CD58: variants seen among roughly 807,000 people sequenced by gnomAD.
CD58 encodes the protein lymphocyte function-associated antigen 3.
CD58 carries 14 observed loss-of-function variants against 27.6 expected under a neutral mutation model. The observed-to-expected ratio is 0.51, with a 90% CI of 0.34 to 0.79. The LOEUF (loss-of-function observed/expected upper bound fraction) is 0.79, where lower values mean the gene tolerates loss of function less well. CD58 is among the 30% of genes least tolerant of loss of function. CD58 has a pLI of 0.02. For missense variants in CD58, 268 were observed against 301.7 expected (o/e 0.89, Z 0.83); for synonymous variants, 117 against 103.8 (o/e 1.13, Z -0.77).
chr1:116,548,276 T>C (rs1658263571), intron 1 of CD58, among the ~76,000 whole-genome samples: 1 of 152,260 alleles, frequency 6.6e-6, no homozygotes, highest in Non-Finnish European at 1.5e-5. Flanking sequence ...GCTGATTGTT[T>C]ATATTGCTGT....
At position 116,528,321 on chromosome 1, in the gene CD58, T is replaced by C. The variant is rs1253281659; in HGVS notation, c.629-6338A>G. 6.6e-6 allele frequency among the ~76,000 whole-genome samples: 1 copy of C among 152,230 alleles called. No homozygotes were observed. The highest frequency in any genetic ancestry group is 1.5e-5 in the Non-Finnish European group (1 of 68,046). ...TCCTATTTCCGCATATTTTTGTGTT[T>C]CTATGATGAATTTTTCCAATTTCTC... On this transcript the variant is annotated intron_variant, in intron 3 of 5. Transcript: ENST00000369489. The surrounding 1 kb of genome is among the most constrained non-coding windows in gnomAD (Gnocchi z 4.4).
rs932906406 is a variant in CD58 at position 116,534,953 on chromosome 1, G to A, written c.628+1012C>T. ...GAGACTCATATTCTCTATTTGCCCT[G>A]GAATCCTGTTCACTATTTACAATTA... On this transcript the variant is annotated intron_variant, in intron 3 of 5. Transcript: ENST00000369489. The surrounding 1 kb of genome is among the most constrained non-coding windows in gnomAD (Gnocchi z 5.3). Among the ~76,000 whole-genome samples the A allele has an allele frequency of 6.6e-6, 1 of 151,938 alleles. No homozygotes were observed. Among genetic ancestry groups the A allele is most frequent in the African/African-American group, 2.4e-5 (1 of 41,338 alleles).
At chr1:116,568,566 C>T (rs1222425686) in intron 1 of CD58, among the ~76,000 whole-genome samples, 1 of 152,208 alleles carries the variant, frequency 6.6e-6, no homozygotes, top group Non-Finnish European at 1.5e-5. Context: ...TACTTACTGT[C>T]TCTCTCCCTC....
At position 116,544,576 on chromosome 1, in the gene CD58, T is replaced by A; in HGVS notation, c.99A>T (p.Ile33=). ...TTACATTCCCATACACAACACCATA[T>A]ATTTGTTGGGAAAAACAGCTGATGA... ...FGFISCFSQQ[I]YGVVYGNVTF... is the part of the protein sequence containing the mutation. Residue 33 remains isoleucine (I), a synonymous_variant, in exon 2 of 6, where the codon ATA becomes ATT. Transcript: ENST00000369489. 1 of 1,589,372 alleles carries A rather than the reference T, an allele frequency of 6.3e-7. No homozygotes were observed. Among genetic ancestry groups the A allele is most frequent in the Non-Finnish European group, 8.6e-7 (1 of 1,168,686 alleles).
At position 116,519,932 on chromosome 1, in the gene CD58, A is replaced by T. The variant is rs1657215326; in HGVS notation, c.707-665T>A. On this transcript the variant is annotated intron_variant, in intron 4 of 5. Coordinates refer to ENST00000369489, the MANE Select transcript of CD58 (RefSeq NM_001779.3). The surrounding 1 kb of genome is among the most constrained non-coding windows in gnomAD (Gnocchi z 4.7). ...CAGTAGGCATCCGCCTGACCCTAGA[A>T]CTATGCTAGTGGTTCAGAAGCTTAG... 6.6e-6 allele frequency among the ~76,000 whole-genome samples: 1 copy of T among 152,184 alleles called. No homozygotes were observed. The highest frequency in any genetic ancestry group is 2.4e-5 in the African/African-American group (1 of 41,428).
At position 116,521,217 on chromosome 1, in the gene CD58, GT is replaced by G. The variant is rs1376732998; in HGVS notation, c.706+688del. Among the ~76,000 whole-genome samples, 1 of 152,172 alleles carries G rather than the reference GT, an allele frequency of 6.6e-6. No homozygotes were observed. Among genetic ancestry groups the G allele is most frequent in the Non-Finnish European group, 1.5e-5 (1 of 68,034 alleles). On this transcript the variant is annotated intron_variant, in intron 4 of 5. Coordinates refer to ENST00000369489, the MANE Select transcript of CD58 (RefSeq NM_001779.3). This position sits in a 1 kb window ranked among gnomAD's most constrained non-coding sequence, Gnocchi z 5.6. ...TCCTAGATACTATCACTTGTAGAAA[GT>G]TTACTCTTCGGCATTCCCTGTCTGG...
intron 4 of CD58, among the ~76,000 whole-genome samples, chr1:116,520,498 A>G (rs1404259140): frequency 6.7e-6 from 1 of 149,270 alleles, no homozygotes; most frequent in Non-Finnish European, 1.5e-5. Context: ...TTTTCTGTAT[A>G]TTGAATGACT....
chr1:116,541,813 C>T lies in CD58; in HGVS notation c.364+2498G>A, dbSNP rs1422880518. On this transcript the variant is annotated intron_variant, in intron 2 of 5. Coordinates refer to ENST00000369489, the MANE Select transcript of CD58 (RefSeq NM_001779.3). The surrounding 1 kb of genome is among the most constrained non-coding windows in gnomAD (Gnocchi z 5.3). Reference sequence around the variant, plus strand: ...GAGCTCTAGATCTGTACATTATTAGCATTGAGATGATATTTAAAGCCCTGA... The same window carrying T: ...GAGCTCTAGATCTGTACATTATTAGTATTGAGATGATATTTAAAGCCCTGA... 2.0e-5 allele frequency among the ~76,000 whole-genome samples: 3 copies of T among 152,126 alleles called. No individual in the cohort carries two copies. Among genetic ancestry groups the T allele is most frequent in the Non-Finnish European group, 1.5e-5 (1 of 68,032 alleles).
At chr1:116,553,106 G>A (rs1315181139) in intron 1 of CD58, among the ~76,000 whole-genome samples, 3 of 150,870 alleles carry the variant, frequency 2.0e-5, no homozygotes, top group Admixed American at 6.6e-5. Flanking sequence ...TTGTTGATTT[G>A]GATTTCTTTT....
At chr1:116,551,328 A>G (rs1472970680) in intron 1 of CD58, among the ~76,000 whole-genome samples, 1 of 152,242 alleles carries the variant, frequency 6.6e-6, no homozygotes, top group African/African-American at 2.4e-5. Flanking sequence ...GATCTTCTGG[A>G]TAATTTCTTG....
intron 1 of CD58, among the ~76,000 whole-genome samples, chr1:116,545,250 G>A (rs1417155394): frequency 6.6e-6 from 1 of 152,186 alleles, no homozygotes; most frequent in African/African-American, 2.4e-5. Flanking sequence ...AACGCTAAGG[G>A]TTTGGACTGA....
In CD58 at chr1:116,552,939, C is replaced by T. The variant is rs1571083468; in HGVS notation, c.71-8335G>A. 6.6e-6 allele frequency among the ~76,000 whole-genome samples: 1 copy of T among 152,274 alleles called. No individual in the cohort carries two copies. Among genetic ancestry groups the T allele is most frequent in the Non-Finnish European group, 1.5e-5 (1 of 68,024 alleles). On this transcript the variant is annotated intron_variant, in intron 1 of 5. Transcript: ENST00000369489. This position sits in a 1 kb window ranked among gnomAD's most constrained non-coding sequence, Gnocchi z 4.5. ...TTACAAAAAAGACTTTGGCAATTTA[C>T]ATCTCCATCAGTAATGCCTGAGTTG... is the stretch of plus-strand genomic sequence containing the variant.
intron 1 of CD58, among the ~76,000 whole-genome samples, chr1:116,549,447 G>C (rs948908198): frequency 1.3e-5 from 2 of 152,160 alleles, no homozygotes; most frequent in African/African-American, 4.8e-5. Context: ...GAGAAAAGTA[G>C]CATAAGCCGA....
Position 116,536,369 on chromosome 1 carries a change from T to C in CD58, c.365-141A>G. 1.6e-6 allele frequency: 1 copy of C among 614,166 alleles called. No homozygotes were observed. Among genetic ancestry groups the C allele is most frequent in the Non-Finnish European group, 2.8e-6 (1 of 357,842 alleles). The allele number at this position is 614,166 out of a possible 1,614,324, so 38.0% of individuals were successfully genotyped here. A position where few individuals can be genotyped will look rare whatever the true frequency, so the allele number is the denominator to read the frequency against. On this transcript the variant is annotated intron_variant, in intron 2 of 5. Coordinates refer to ENST00000369489, the MANE Select transcript of CD58 (RefSeq NM_001779.3). This position sits in a 1 kb window ranked among gnomAD's most constrained non-coding sequence, Gnocchi z 5.4. ...CTCCTTGAGCATCAAGGAGCGAGAA[T>C]TCTTTCTTTTGCTAGGTCAGATCTA...
In CD58 at chr1:116,522,743, GA is replaced by G. The variant is rs1160566491; in HGVS notation, c.629-761del. ...AATAAAAGAAGCAAGTGTTCCACTA[GA>G]AGGTTTGTTTCTGACCATCTCATAC... is the stretch of plus-strand genomic sequence containing the variant. On this transcript the variant is annotated intron_variant, in intron 3 of 5. Transcript: ENST00000369489. The surrounding 1 kb of genome is among the most constrained non-coding windows in gnomAD (Gnocchi z 4.6). Among the ~76,000 whole-genome samples the G allele has an allele frequency of 6.6e-6, 1 of 152,202 alleles. No homozygotes were observed. The highest frequency in any genetic ancestry group is 1.9e-4 in the East Asian group (1 of 5,200).
At position 116,552,480 on chromosome 1, in the gene CD58, G is replaced by A. The variant is rs967128723; in HGVS notation, c.71-7876C>T. Among the ~76,000 whole-genome samples the A allele has an allele frequency of 4.6e-5, 7 of 152,176 alleles. No individual in the cohort carries two copies. Among genetic ancestry groups the A allele is most frequent in the Admixed American group, 6.5e-5 (1 of 15,280 alleles). ...GACTTGCTTAAAGCTGGGTTGTCAC[G>A]AACCTTCAATTTGTAAAAAGCACAT... is the stretch of plus-strand genomic sequence containing the variant. On this transcript the variant is annotated intron_variant, in intron 1 of 5. Coordinates refer to ENST00000369489, the MANE Select transcript of CD58 (RefSeq NM_001779.3). The surrounding 1 kb of genome is among the most constrained non-coding windows in gnomAD (Gnocchi z 4.5).
rs1657357672 is a variant in CD58 at position 116,524,245 on chromosome 1, A to G, written c.629-2262T>C. 6.6e-6 allele frequency among the ~76,000 whole-genome samples: 1 copy of G among 152,196 alleles called. No individual in the cohort carries two copies. The highest frequency in any genetic ancestry group is 2.1e-4 in the South Asian group (1 of 4,830). On this transcript the variant is annotated intron_variant, in intron 3 of 5. Transcript: ENST00000369489. The surrounding 1 kb of genome is among the most constrained non-coding windows in gnomAD (Gnocchi z 4.6). ...ACCATAATCTGGGTGAAGGTGGCCA[A>G]TCATCCTGGTTTTCCTGAAACTGAA...
At chr1:116,518,547 ACT>A (rs1187260054) in intron 5 of CD58, among the ~76,000 whole-genome samples, 2 of 151,120 alleles carry the variant, frequency 1.3e-5, no homozygotes, top group Admixed American at 1.3e-4. Flanking sequence ...ATGCCTCAAC[ACT>A]CTCTGCTCCA....
chr1:116,522,668 A>T lies in CD58; in HGVS notation c.629-685T>A, dbSNP rs1431057834. Among the ~76,000 whole-genome samples the T allele has an allele frequency of 6.6e-6, 1 of 152,194 alleles. No individual in the cohort carries two copies. The highest frequency in any genetic ancestry group is 1.5e-5 in the Non-Finnish European group (1 of 68,028). ...TGAATAACAAGATTCGACTATTTCTAAACAAACTTATATGCACAAGCTTGA... is the reference window on the plus strand; with the variant it reads ...TGAATAACAAGATTCGACTATTTCTTAACAAACTTATATGCACAAGCTTGA... On this transcript the variant is annotated intron_variant, in intron 3 of 5. Transcript: ENST00000369489. This position sits in a 1 kb window ranked among gnomAD's most constrained non-coding sequence, Gnocchi z 4.6.
Sources: gnomAD v4.1 joint callset for allele counts (sites outside exome capture counted in the v4.1 genomes callset) on GRCh38, gnomAD v4.1.1 for gene constraint, Gnocchi (gnomAD v3.1) non-coding constraint, MANE v1.5 for transcripts, NCBI Gene and HGNC (gene_info 2026-07-23, HGNC 2026-07-21) for gene names.